Variants in PARP8 observed in about 807,000 individuals in gnomAD.
The protein encoded by PARP8 is protein mono-ADP-ribosyltransferase PARP8.
In PARP8, 51 loss-of-function variants were observed where a neutral mutation model predicts 124.1. The observed-to-expected ratio is 0.41, with a 90% CI of 0.33 to 0.52. The LOEUF (loss-of-function observed/expected upper bound fraction) is 0.52. PARP8 is among the 20% of genes least tolerant of loss of function. The probability of loss-of-function intolerance (pLI) is 0.21; values close to 1 mark genes in which losing one functional copy is unlikely to be tolerated. For synonymous variants in PARP8, 391 were observed against 361.5 expected (o/e 1.08, Z -0.93); for missense variants, 860 against 1,018.9 (o/e 0.84, Z 2.12).
At position 50,802,577 on chromosome 5, in the gene PARP8, G is replaced by A. The variant is rs375501774; in HGVS notation, c.1575+5344G>A. Among the ~76,000 whole-genome samples, 31 of 152,134 alleles carry A rather than the reference G, an allele frequency of 2.0e-4. 1 individual carries two copies. Among genetic ancestry groups the A allele is most frequent in the Admixed American group, 1.5e-3 (23 of 15,262 alleles). ...GCCTCAAATGATTCTCCCTTCTCCC[G>A]AAGTACTGAGATTATAGGCATGAGC... is the stretch of plus-strand genomic sequence containing the variant. On this transcript the variant is annotated intron_variant, in intron 14 of 25. Transcript: ENST00000281631.
At chr5:50,750,992 G>A (rs1465005546) in intron 3 of PARP8, among the ~76,000 whole-genome samples, 1 of 152,080 alleles carries the variant, frequency 6.6e-6, no homozygotes, top group African/African-American at 2.4e-5. Context: ...TGCTATGTTT[G>A]CCAAGTATGT....
In PARP8 at chr5:50,820,824, A is replaced by G. The variant is rs1745681594; in HGVS notation, c.1669-389A>G. On this transcript the variant is annotated intron_variant, in intron 15 of 25. Coordinates refer to ENST00000281631, the MANE Select transcript of PARP8 (RefSeq NM_024615.4). ...ACTTTATTTTTTTATAACATTTAAC[A>G]GTATCAGAAATTCTATTGAAGCATC... is the stretch of plus-strand genomic sequence containing the variant. Among the ~76,000 whole-genome samples the G allele has an allele frequency of 2.0e-5, 3 of 152,194 alleles. 1 individual carries two copies. The highest frequency in any genetic ancestry group is 2.0e-4 in the Admixed American group (3 of 15,282).
chr5:50,832,877 T>C, intron 23 of PARP8, 23 bp downstream of exon 23: 1 of 1,606,662 alleles, frequency 6.2e-7, no homozygotes, highest in South Asian at 1.1e-5. Flanking sequence ...CTTTAGTGAC[T>C]GCTTATGATT....
chr5:50,829,969 C>T lies in PARP8; in HGVS notation c.2233+8C>T, dbSNP rs1477588529. Reference sequence around the variant, plus strand: ...TATCATTTGGTTACTCAGGTAATTCCTGTATTTCATTTCTAAAGTCACATT... The same window carrying T: ...TATCATTTGGTTACTCAGGTAATTCTTGTATTTCATTTCTAAAGTCACATT... On this transcript the variant is annotated splice_region_variant and intron_variant, in intron 22 of 25. Coordinates refer to ENST00000281631, the MANE Select transcript of PARP8 (RefSeq NM_024615.4). 1 of 1,601,290 alleles carries T rather than the reference C, an allele frequency of 6.2e-7. No homozygotes were observed. The highest frequency in any genetic ancestry group is 2.2e-5 in the East Asian group (1 of 44,550).
At chr5:50,817,461 G>C (rs1488236910) in intron 15 of PARP8, among the ~76,000 whole-genome samples, 5 of 152,092 alleles carry the variant, frequency 3.3e-5, no homozygotes, top group Non-Finnish European at 7.4e-5. Flanking sequence ...ACCACCTCAG[G>C]ATCTCATTGC....
intron 2 of PARP8, among the ~76,000 whole-genome samples, chr5:50,746,072 T>C (rs1365869894): frequency 1.3e-5 from 2 of 152,222 alleles, no homozygotes; most frequent in Non-Finnish European, 2.9e-5. Context: ...ATTTTACTAC[T>C]ATGATAGCTT....
At chr5:50,754,592 A>G (rs531370361) in intron 3 of PARP8, among the ~76,000 whole-genome samples, 3 of 152,272 alleles carry the variant, frequency 2.0e-5, no homozygotes, top group African/African-American at 7.2e-5. Context: ...ATTGATGGAC[A>G]TTTGGGTTGG....
At chr5:50,696,488 A>G (rs1321725748) in intron 2 of PARP8, among the ~76,000 whole-genome samples, 2 of 152,278 alleles carry the variant, frequency 1.3e-5, no homozygotes, top group East Asian at 3.9e-4. Flanking sequence ...GGCAGCCATA[A>G]TTATATTATC....
At chr5:50,825,637 A>C (rs1746258798) in intron 18 of PARP8, among the ~76,000 whole-genome samples, 1 of 152,196 alleles carries the variant, frequency 6.6e-6, no homozygotes, top group African/African-American at 2.4e-5. Context: ...AAATGAAGAC[A>C]CTAGTTTCTA....
intron 2 of PARP8, among the ~76,000 whole-genome samples, chr5:50,689,157 G>A (rs140769911): frequency 7.3e-4 from 111 of 151,470 alleles, no homozygotes; most frequent in Non-Finnish European, 1.4e-3. Context: ...GTTATTTGAG[G>A]TGTGATTTTC....
chr5:50,744,747 T>A, intron 2 of PARP8: 1 of 701,854 alleles, frequency 1.4e-6, no homozygotes, highest in South Asian at 1.5e-5. Flanking sequence ...AATTCAGAGC[T>A]TGCTCCAGGG....
chr5:50,791,132 C>G (rs1344978241), intron 10 of PARP8, among the ~76,000 whole-genome samples: 1 of 152,136 alleles, frequency 6.6e-6, no homozygotes, highest in Non-Finnish European at 1.5e-5. Flanking sequence ...ATAGAAGACA[C>G]TCTTATTTAC....
chr5:50,713,922 G>A (rs1338239264), intron 2 of PARP8, among the ~76,000 whole-genome samples: 2 of 151,902 alleles, frequency 1.3e-5, no homozygotes, highest in Non-Finnish European at 2.9e-5. Context: ...GAAAGGAAAT[G>A]GATTTTCTCC....
At chr5:50,776,337 CT>C (rs1740015317) in intron 7 of PARP8, among the ~76,000 whole-genome samples, 1 of 152,064 alleles carries the variant, frequency 6.6e-6, no homozygotes, top group South Asian at 2.1e-4. Flanking sequence ...GGAATATTGG[CT>C]TGTAGTTTTC....
At chr5:50,756,261 G>C (rs557472487) in intron 3 of PARP8, among the ~76,000 whole-genome samples, 1 of 152,194 alleles carries the variant, frequency 6.6e-6, no homozygotes, top group African/African-American at 2.4e-5. Flanking sequence ...TCTTGTGCCA[G>C]TTTTCAAAGG....
intron 15 of PARP8, among the ~76,000 whole-genome samples, chr5:50,820,803 TA>T (rs1745679734): frequency 6.6e-6 from 1 of 152,234 alleles, no homozygotes; most frequent in South Asian, 2.1e-4. Flanking sequence ...GTGCCTACTT[TA>T]TTTTTTTATA....
intron 2 of PARP8, among the ~76,000 whole-genome samples, chr5:50,722,733 T>C (rs1756026874): frequency 6.6e-6 from 1 of 152,108 alleles, no homozygotes; most frequent in African/African-American, 2.4e-5. Flanking sequence ...AAAATGTTCA[T>C]GTGTGGATGT....
chr5:50,846,145 G>T lies in PARP8; in HGVS notation c.*4077G>T, dbSNP rs149379750. 1.3e-5 allele frequency: 2 copies of T among 151,500 alleles called. No individual in the cohort carries two copies. Among genetic ancestry groups the T allele is most frequent in the African/African-American group, 4.8e-5 (2 of 41,304 alleles). 9.4% of individuals were successfully genotyped at this position (151,500 alleles called of 1,614,324 possible). ...TTAATGTTCTAAAAATAATATCTTCGATCTGCCCAATATTTAATGTATCAT... is the reference window on the plus strand; with the variant it reads ...TTAATGTTCTAAAAATAATATCTTCTATCTGCCCAATATTTAATGTATCAT... On this transcript the variant is annotated 3_prime_UTR_variant, in exon 26 of 26. Coordinates refer to ENST00000281631, the MANE Select transcript of PARP8 (RefSeq NM_024615.4).
intron 7 of PARP8, among the ~76,000 whole-genome samples, chr5:50,775,897 G>T (rs1230363998): frequency 1.3e-5 from 2 of 151,952 alleles, no homozygotes; most frequent in Non-Finnish European, 2.9e-5. Flanking sequence ...TCTTTCTCTT[G>T]CCTGATTGCT....
Sources: allele counts gnomAD v4.1 joint callset (sites outside exome capture counted in the v4.1 genomes callset), GRCh38; gene constraint gnomAD v4.1.1; transcripts MANE v1.5; gene names NCBI Gene and HGNC (gene_info 2026-07-23, HGNC 2026-07-21).